Variants in S100Z observed in about 807,000 individuals in gnomAD.
S100Z encodes protein S100-Z.
A neutral mutation model predicts 8.5 loss-of-function variants in S100Z; 11 were observed. The observed-to-expected ratio is 1.30, with a 90% CI of 0.82 to 2.15. The LOEUF is 2.15. Among genes scored for constraint, S100Z ranks in the 30% most tolerant of loss-of-function variants. The pLI, the probability that S100Z is intolerant of heterozygous loss-of-function variation, is 0.00. For missense variants in S100Z, 126 were observed against 117.9 expected (o/e 1.07, Z -0.32); for synonymous variants, 34 against 43.8 (o/e 0.78, Z 0.89).
intron 4 of S100Z, among the ~76,000 whole-genome samples, chr5:76,898,601 G>A (rs111472969): frequency 0.014 from 2,200 of 152,150 alleles, 58 homozygotes; most frequent in African/African-American, 0.049. Context: ...ATGATGTATC[G>A]CATTGATTGA....
downstream of S100Z, among the ~76,000 whole-genome samples, chr5:76,924,252 C>T (rs1315961097): frequency 6.6e-6 from 1 of 152,214 alleles, no homozygotes; most frequent in Non-Finnish European, 1.5e-5. Flanking sequence ...CCTGCTCTTT[C>T]CTCCCCTGTG....
chr5:76,943,092 A>G, the S100Z span, among the ~76,000 whole-genome samples: 1 of 152,118 alleles, frequency 6.6e-6, no homozygotes, highest in African/African-American at 2.4e-5. Context: ...CATGTGCCAC[A>G]GTGGGGGGGT....
At chr5:76,902,629 T>G (rs965110515) in intron 4 of S100Z, among the ~76,000 whole-genome samples, 1 of 126,022 alleles carries the variant, frequency 7.9e-6, no homozygotes, top group Non-Finnish European at 1.5e-5. Flanking sequence ...TGAAGGTGGG[T>G]TTTTTTTGTT....
At chr5:76,851,442 A>G (rs1026519164) in intron 1 of S100Z, among the ~76,000 whole-genome samples, 9 of 152,132 alleles carry the variant, frequency 5.9e-5, no homozygotes, top group African/African-American at 1.9e-4. Flanking sequence ...AAGGGCCTGA[A>G]CTATGGCGCT....
At chr5:76,851,966 C>T (rs900695171) in intron 1 of S100Z, among the ~76,000 whole-genome samples, 1 of 152,024 alleles carries the variant, frequency 6.6e-6, no homozygotes, top group African/African-American at 2.4e-5. Context: ...TTATGTTTGT[C>T]TGTTGGGTTT....
chr5:76,858,587 C>T (rs1750954951), intron 1 of S100Z, among the ~76,000 whole-genome samples: 1 of 151,906 alleles, frequency 6.6e-6, no homozygotes, highest in Admixed American at 6.6e-5. Context: ...GCCCATCATC[C>T]ATTGTCCTGC....
chr5:76,866,187 T>A (rs1469764200), intron 1 of S100Z, among the ~76,000 whole-genome samples: 2 of 151,706 alleles, frequency 1.3e-5, no homozygotes, highest in Non-Finnish European at 2.9e-5. Flanking sequence ...CAGCCTCAAG[T>A]GGTCCCCCCA....
the S100Z span, among the ~76,000 whole-genome samples, chr5:76,944,007 G>GC: frequency 4.9e-4 from 73 of 150,276 alleles, no homozygotes; most frequent in Non-Finnish European, 2.1e-4. Context: ...TCATGACTGA[G>GC]TTTTTTTTTT....
chr5:76,850,084 G>A lies in S100Z; in HGVS notation c.-247G>A, dbSNP rs1226535247. 1.3e-5 allele frequency: 2 copies of A among 152,268 alleles called. No homozygotes were observed. The highest frequency in any genetic ancestry group is 1.5e-5 in the Non-Finnish European group (1 of 68,118). The allele number at this position is 152,268 out of a possible 1,614,324, so 9.4% of individuals were successfully genotyped here. On this transcript the variant is annotated 5_prime_UTR_variant, in exon 1 of 5. Transcript: ENST00000317593. ...CTAGCTGCTGGGAGGAAAACGGCTTGCTAATCTCCACGCCCAGAAATTCAG... is the reference window on the plus strand; with the variant it reads ...CTAGCTGCTGGGAGGAAAACGGCTTACTAATCTCCACGCCCAGAAATTCAG...
chr5:76,855,203 TTG>T (rs1750849129), intron 1 of S100Z, among the ~76,000 whole-genome samples: 3 of 152,110 alleles, frequency 2.0e-5, no homozygotes, highest in African/African-American at 7.2e-5. Flanking sequence ...AAATGTGGGG[TTG>T]TAGCCCCCAC....
chr5:76,873,483 T>C (rs186681751), intron 2 of S100Z, among the ~76,000 whole-genome samples: 1 of 152,176 alleles, frequency 6.6e-6, no homozygotes, highest in African/African-American at 2.4e-5. Context: ...AATTTTTGTA[T>C]TTTTAGTAGA....
At chr5:76,932,957 C>T in the S100Z span, among the ~76,000 whole-genome samples, 1 of 152,304 alleles carries the variant, frequency 6.6e-6, no homozygotes, top group East Asian at 1.9e-4. Context: ...ATATTTGCTT[C>T]ATCAATGCTA....
chr5:76,896,692 C>T (rs530072934), intron 4 of S100Z, among the ~76,000 whole-genome samples: 17 of 152,260 alleles, frequency 1.1e-4, no homozygotes, highest in African/African-American at 4.1e-4. Context: ...ACATCCTTGC[C>T]AGCATTCATT....
intron 4 of S100Z, among the ~76,000 whole-genome samples, chr5:76,910,849 C>G (rs1365881476): frequency 6.6e-6 from 1 of 152,240 alleles, no homozygotes; most frequent in Non-Finnish European, 1.5e-5. Flanking sequence ...CCGTTACCAT[C>G]CGAGGAATCC....
chr5:76,875,580 C>T (rs1210591629), intron 3 of S100Z, 80 bp downstream of exon 3: 3 of 1,318,088 alleles, frequency 2.3e-6, no homozygotes, highest in Non-Finnish European at 2.1e-6. Flanking sequence ...TGGGTTCATA[C>T]TGTCCTGTGA....
chr5:76,851,337 C>T (rs1423554185), intron 1 of S100Z, among the ~76,000 whole-genome samples: 1 of 152,180 alleles, frequency 6.6e-6, no homozygotes, highest in African/African-American at 2.4e-5. Flanking sequence ...TCAGGTGTGC[C>T]TCCCAGCAGG....
the S100Z span, among the ~76,000 whole-genome samples, chr5:76,951,301 G>A: frequency 1.0e-3 from 158 of 152,206 alleles, 1 homozygote; most frequent in Non-Finnish European, 3.1e-4. Context: ...GTCTGTGCAC[G>A]TGCATGCGTG....
rs547929617 is a variant in S100Z at position 76,863,693 on chromosome 5, C to T, written c.-175-6473C>T. Among the ~76,000 whole-genome samples the T allele has an allele frequency of 3.5e-3, 538 of 151,738 alleles. 4 individuals carry two copies. Among genetic ancestry groups the T allele is most frequent in the African/African-American group, 7.6e-3 (311 of 41,132 alleles). On this transcript the variant is annotated intron_variant, in intron 1 of 4. Transcript: ENST00000317593. ...AGCTGGGACTACAGGCACCCGCCAC[C>T]ACACCCAGCTAATTTTTTGTATTTT...
the S100Z span, among the ~76,000 whole-genome samples, chr5:76,938,591 G>A: frequency 6.6e-6 from 1 of 152,214 alleles, no homozygotes; most frequent in Admixed American, 6.5e-5. Flanking sequence ...TAATGTTAAT[G>A]AAGTTTAATT....
Sources: gnomAD v4.1 joint callset for allele counts (sites outside exome capture counted in the v4.1 genomes callset) on GRCh38, gnomAD v4.1.1 for gene constraint, MANE v1.5 for transcripts, NCBI Gene and HGNC (gene_info 2026-07-23, HGNC 2026-07-21) for gene names.